The following PARD3B variants were observed in gnomAD, a reference collection of about 807,000 sequenced individuals.
PARD3B encodes the protein partitioning defective 3 homolog B.
PARD3B carries 103 observed loss-of-function variants against 130.2 expected under a neutral mutation model. That is an observed-to-expected ratio of 0.79 (90% CI 0.67 to 0.93). PARD3B has a LOEUF of 0.93. PARD3B is among the 40% of genes least tolerant of loss of function. PARD3B has a pLI of 0.00. For synonymous variants in PARD3B, 583 were observed against 553.2 expected, an observed-to-expected ratio of 1.05 and a Z score of -0.76; for missense variants, 1,609 against 1,499.2, an observed-to-expected ratio of 1.07 and a Z score of -1.21.
At chr2:205,045,603 A>G (rs1297721540) in intron 3 of PARD3B, among the ~76,000 whole-genome samples, 1 of 152,086 alleles carries the variant, frequency 6.6e-6, no homozygotes, top group Non-Finnish European at 1.5e-5. Context: ...TTATTATTTA[A>G]AAAGCAGATA....
At chr2:205,119,643 G>A (rs535263292) in intron 7 of PARD3B, among the ~76,000 whole-genome samples, 55 of 152,154 alleles carry the variant, frequency 3.6e-4, no homozygotes, top group African/African-American at 1.1e-3. Context: ...TTAGCCAGGC[G>A]TGGTGGTACG....
chr2:205,552,120 T>G (rs2052672911), intron 21 of PARD3B, among the ~76,000 whole-genome samples: 1 of 152,130 alleles, frequency 6.6e-6, no homozygotes, highest in Non-Finnish European at 1.5e-5. Flanking sequence ...CAACACACAG[T>G]ATTGAAAACC....
At chr2:204,982,368 C>G (rs554574322) in intron 3 of PARD3B, among the ~76,000 whole-genome samples, 1 of 152,180 alleles carries the variant, frequency 6.6e-6, no homozygotes, top group Non-Finnish European at 1.5e-5. Context: ...AACTCACAGA[C>G]GACCAAGTTC....
At chr2:204,551,692 T>C (rs2030475878) in intron 1 of PARD3B, among the ~76,000 whole-genome samples, 1 of 152,222 alleles carries the variant, frequency 6.6e-6, no homozygotes, top group African/African-American at 2.4e-5. Context: ...GCCACAGCCC[T>C]GATTTGTAGC....
intron 2 of PARD3B, among the ~76,000 whole-genome samples, chr2:204,960,712 G>A (rs555675442): frequency 3.9e-5 from 6 of 151,960 alleles, no homozygotes; most frequent in South Asian, 2.1e-4. Flanking sequence ...TTCACTCTTC[G>A]AGCCAATGGG....
intron 2 of PARD3B, among the ~76,000 whole-genome samples, chr2:204,744,351 C>G (rs2040132621): frequency 6.6e-6 from 1 of 152,032 alleles, no homozygotes. Context: ...TCAAACGAGG[C>G]CAAAGCAAAC....
chr2:204,559,431 T>G (rs918076228), intron 1 of PARD3B, among the ~76,000 whole-genome samples: 2 of 152,150 alleles, frequency 1.3e-5, no homozygotes, highest in African/African-American at 4.8e-5. Flanking sequence ...AACAGACACA[T>G]GAAATAATGC....
At position 205,567,888 on chromosome 2, in the gene PARD3B, C is replaced by T. The variant is rs139640088; in HGVS notation, c.3260+14485C>T. On this transcript the variant is annotated intron_variant, in intron 22 of 22. Transcript: ENST00000406610. ...CACATTAATGAACAGATTACCACTG[C>T]AGGCAAGAGGGAAGGAGGGCTGGGG... Among the ~76,000 whole-genome samples, 46 of 152,198 alleles carry T rather than the reference C, an allele frequency of 3.0e-4. No homozygotes were observed. In the Middle Eastern group the frequency reaches 0.01, roughly 34 times the overall value.
intron 21 of PARD3B, among the ~76,000 whole-genome samples, chr2:205,518,416 GTTTTCTA>G (rs1361465467): frequency 1.3e-5 from 2 of 151,902 alleles, no homozygotes; most frequent in Non-Finnish European, 2.9e-5. Context: ...ACTGTTTTCT[GTTTTCTA>G]TTTGCTTGGT....
intron 2 of PARD3B, among the ~76,000 whole-genome samples, chr2:204,863,199 TG>T (rs2045280108): frequency 6.6e-6 from 1 of 152,208 alleles, no homozygotes; most frequent in African/African-American, 2.4e-5. Context: ...CTTTGCACTG[TG>T]GGATGAGACA....
chr2:204,621,630 T>C (rs546108893), intron 1 of PARD3B, among the ~76,000 whole-genome samples: 1 of 152,348 alleles, frequency 6.6e-6, no homozygotes, highest in South Asian at 2.1e-4. Flanking sequence ...TTTAACTTTG[T>C]AGCTTTATTC....
At chr2:205,390,364 TAAAAG>T (rs1574896066) in intron 18 of PARD3B, among the ~76,000 whole-genome samples, 1 of 152,000 alleles carries the variant, frequency 6.6e-6, no homozygotes, top group Admixed American at 6.6e-5. Flanking sequence ...ACATGGAACA[TAAAAG>T]AATATTACAT....
intron 2 of PARD3B, among the ~76,000 whole-genome samples, chr2:204,959,385 G>A (rs1465611236): frequency 6.6e-6 from 1 of 152,106 alleles, no homozygotes; most frequent in Admixed American, 6.6e-5. Flanking sequence ...TCATTGAAGG[G>A]CATTTGGGTT....
At chr2:205,531,735 C>G (rs2051603996) in intron 21 of PARD3B, among the ~76,000 whole-genome samples, 1 of 151,692 alleles carries the variant, frequency 6.6e-6, no homozygotes, top group South Asian at 2.1e-4. Context: ...TATCGTCTTC[C>G]AAAGAGAGAG....
At position 205,047,682 on chromosome 2, in the gene PARD3B, G is replaced by A. The variant is rs779173109; in HGVS notation, c.496G>A (p.Val166Ile). The A allele has an allele frequency of 3.2e-6, 5 of 1,539,880 alleles. No homozygotes were observed. Among genetic ancestry groups the A allele is most frequent in the Admixed American group, 3.9e-5 (2 of 50,936 alleles). Residue 166 changes from valine (V) to isoleucine (I), a missense_variant, in exon 4 of 23, where the codon GTT (valine) becomes ATT (isoleucine). Transcript: ENST00000406610. ...SHPGGQSLKL[V>I]VPDSTQNLED... ...CCCTGGTGGCCAGAGTCTGAAACTGGTTGTTCCAGTAGGTATCCTGCTGCT... is the reference window on the plus strand; with the variant it reads ...CCCTGGTGGCCAGAGTCTGAAACTGATTGTTCCAGTAGGTATCCTGCTGCT...
intron 2 of PARD3B, among the ~76,000 whole-genome samples, chr2:204,923,807 T>G (rs2047774189): frequency 6.6e-6 from 1 of 152,058 alleles, no homozygotes; most frequent in African/African-American, 2.4e-5. Context: ...GAGGATATAC[T>G]TTTATTGATA....
intron 21 of PARD3B, among the ~76,000 whole-genome samples, chr2:205,501,118 G>A (rs761360965): frequency 3.3e-5 from 5 of 152,102 alleles, no homozygotes; most frequent in East Asian, 1.9e-4. Context: ...CCTGTCATGC[G>A]TTCATCTCTA....
In PARD3B at chr2:205,253,208, A is replaced by T. The variant is rs1412090584; in HGVS notation, c.2185+7386A>T. On this transcript the variant is annotated intron_variant, in intron 16 of 22. Coordinates refer to ENST00000406610, the MANE Select transcript of PARD3B (RefSeq NM_001302769.2). This position sits in a 1 kb window ranked among gnomAD's most constrained non-coding sequence, Gnocchi z 4.4. Reference sequence around the variant, plus strand: ...AGCTTTTCTGCAGGTGTTGACCAGCAATTTCCTGCGGCATTTACTTCTTGA... The same window carrying T: ...AGCTTTTCTGCAGGTGTTGACCAGCTATTTCCTGCGGCATTTACTTCTTGA... 2 of 407,660 alleles carry T rather than the reference A, an allele frequency of 4.9e-6. No homozygotes were observed. The highest frequency in any genetic ancestry group is 5.3e-5 in the Admixed American group (2 of 38,010). 25.3% of individuals were successfully genotyped at this position (407,660 alleles called of 1,614,324 possible).
chr2:204,928,439 G>A (rs1235303750), intron 2 of PARD3B, among the ~76,000 whole-genome samples: 1 of 152,146 alleles, frequency 6.6e-6, no homozygotes, highest in East Asian at 1.9e-4. Context: ...CAAAGGGAAA[G>A]ACTACAAGGA....
Sources: gnomAD v4.1 joint callset for allele counts (sites outside exome capture counted in the v4.1 genomes callset) on GRCh38, gnomAD v4.1.1 for gene constraint, Gnocchi (gnomAD v3.1) non-coding constraint, MANE v1.5 for transcripts, NCBI Gene and HGNC (gene_info 2026-07-23, HGNC 2026-07-21) for gene names.